CYTH1: variants seen among roughly 807,000 people sequenced by gnomAD.
CYTH1 encodes cytohesin 1, also known as cytohesin-1.
A neutral mutation model predicts 61.8 loss-of-function variants in CYTH1; 18 were observed. The observed-to-expected ratio is 0.29, with a 90% CI of 0.20 to 0.43. CYTH1 has a LOEUF of 0.43. Among genes scored for constraint, CYTH1 ranks in the 20% least tolerant of loss-of-function variants. The pLI, the probability that CYTH1 is intolerant of heterozygous loss-of-function variation, is 1.00. For missense variants in CYTH1, 336 were observed against 510.5 expected (o/e 0.66, Z 3.29); for synonymous variants, 174 against 184.3 (o/e 0.94, Z 0.45).
In CYTH1 at chr17:78,696,004, T is replaced by C. The variant is rs1426798345; in HGVS notation, c.814+3A>G. 1 of 1,367,740 alleles carries C rather than the reference T, an allele frequency of 7.3e-7. No individual in the cohort carries two copies. The highest frequency in any genetic ancestry group is 9.8e-7 in the Non-Finnish European group (1 of 1,021,996). The allele number at this position is 1,367,740 out of a possible 1,614,324, so 84.7% of individuals were successfully genotyped here. On this transcript the variant is annotated splice_donor_region_variant and intron_variant, in intron 10 of 13. Transcript: ENST00000446868. ...GCGAGCGAGCAGGCTGAGGGTTACA[T>C]ACCTCCTGGAGTTTGGGGCAAGGAA...
chr17:78,742,575 G>A (rs150144229), intron 1 of CYTH1, among the ~76,000 whole-genome samples: 4 of 152,196 alleles, frequency 2.6e-5, no homozygotes, highest in Middle Eastern at 3.4e-3. Context: ...TAAATAGGCC[G>A]GGTGTGCTGG....
At chr17:78,760,388 C>CATATATAT (rs1437014335) in intron 1 of CYTH1, among the ~76,000 whole-genome samples, 1 of 45,948 alleles carries the variant, frequency 2.2e-5, no homozygotes, top group Non-Finnish European at 4.3e-5. Flanking sequence ...TATATATACA[C>CATATATAT]ACACATACAT....
chr17:78,711,451 T>A (rs1039983049), intron 1 of CYTH1, among the ~76,000 whole-genome samples: 1 of 152,054 alleles, frequency 6.6e-6, no homozygotes, highest in Admixed American at 6.5e-5. Flanking sequence ...AAGGAACTAG[T>A]ATGAAATAAA....
At chr17:78,756,569 T>C (rs1460463973) in intron 1 of CYTH1, among the ~76,000 whole-genome samples, 1 of 152,144 alleles carries the variant, frequency 6.6e-6, no homozygotes, top group African/African-American at 2.4e-5. Flanking sequence ...CTATTTGAAG[T>C]CCTTCAGAGA....
intron 1 of CYTH1, chr17:78,727,548 C>T (rs936182872): frequency 1.1e-5 from 4 of 373,186 alleles, no homozygotes; most frequent in African/African-American, 4.2e-5. Context: ...AGAGTTGCCC[C>T]GAGTCCGGGT....
rs186725921 is a variant in CYTH1 at position 78,773,785 on chromosome 17, G to A, written c.22+8417C>T. ...AAGAAAAATTAAAAGAAAGGTAAAC[G>A]ACTGTTACAATTAGCCAAAATCTAA... On this transcript the variant is annotated intron_variant, in intron 1 of 13. Transcript: ENST00000446868. 9.9e-5 allele frequency among the ~76,000 whole-genome samples: 15 copies of A among 152,122 alleles called. 1 individual carries two copies. The highest frequency in any genetic ancestry group is 2.7e-4 in the African/African-American group (11 of 41,488).
At chr17:78,771,318 T>TA (rs2093470550) in intron 1 of CYTH1, among the ~76,000 whole-genome samples, 2 of 152,122 alleles carry the variant, frequency 1.3e-5, no homozygotes, top group South Asian at 4.1e-4. Flanking sequence ...CACATGCCTA[T>TA]AATCCCAGCT....
chr17:78,746,492 CG>C (rs1288031830), intron 1 of CYTH1, among the ~76,000 whole-genome samples: 2 of 151,980 alleles, frequency 1.3e-5, no homozygotes, highest in African/African-American at 4.8e-5. Flanking sequence ...GTGCGGCGAC[CG>C]AGTTTCCTAC....
rs76984857 is a variant in CYTH1, at chr17:78,773,979, T to G, written c.22+8223A>C. ...ATACACAAATATGCAAAATAAAAAT[T>G]TTTTTCAATCCAGCTAGTGATCAGT... On this transcript the variant is annotated intron_variant, in intron 1 of 13. Transcript: ENST00000446868. Among the ~76,000 whole-genome samples the G allele has an allele frequency of 4.8e-3, 732 of 152,268 alleles. 27 individuals are homozygous for G. The East Asian group carries it at 0.079, about 16-fold the overall frequency.
At chr17:78,715,992 G>A (rs1336854984) in intron 1 of CYTH1, among the ~76,000 whole-genome samples, 1 of 152,130 alleles carries the variant, frequency 6.6e-6, no homozygotes, top group African/African-American at 2.4e-5. Context: ...AGAGACCAGA[G>A]GCATGGATAA....
intron 1 of CYTH1, among the ~76,000 whole-genome samples, chr17:78,779,261 G>T (rs922992280): frequency 6.6e-6 from 1 of 152,016 alleles, no homozygotes; most frequent in African/African-American, 2.4e-5. Context: ...TTAGCCAGGC[G>T]TGGTGGCGCA....
intron 1 of CYTH1, among the ~76,000 whole-genome samples, chr17:78,740,645 A>C (rs2093338580): frequency 6.6e-6 from 1 of 152,240 alleles, no homozygotes; most frequent in Admixed American, 6.5e-5. Flanking sequence ...AATTCCTTAA[A>C]ATAGACATTT....
intron 1 of CYTH1, among the ~76,000 whole-genome samples, chr17:78,772,131 C>G (rs1390065317): frequency 6.6e-6 from 1 of 152,138 alleles, no homozygotes; most frequent in Non-Finnish European, 1.5e-5. Context: ...AGCAAATGGA[C>G]AGGTTCAGGC....
At chr17:78,678,067 G>C (rs1033254790) in intron 13 of CYTH1, 1 of 152,352 alleles carries the variant, frequency 6.6e-6, no homozygotes, top group Admixed American at 6.5e-5. Flanking sequence ...AGTGCCAAAG[G>C]GGGTGTCTGC....
chr17:78,688,698 T>G (rs1598826271), intron 11 of CYTH1, among the ~76,000 whole-genome samples: 1 of 152,226 alleles, frequency 6.6e-6, no homozygotes, highest in African/African-American at 2.4e-5. Context: ...TCTTGATGTT[T>G]ACATTTTTTT....
chr17:78,689,589 G>A (rs569580792), intron 11 of CYTH1, among the ~76,000 whole-genome samples: 4 of 152,136 alleles, frequency 2.6e-5, no homozygotes, highest in Admixed American at 1.3e-4. Flanking sequence ...CTCACCTCCC[G>A]CTGTGTGGCC....
chr17:78,776,415 G>C (rs964970963), intron 1 of CYTH1, among the ~76,000 whole-genome samples: 2 of 152,022 alleles, frequency 1.3e-5, no homozygotes, highest in Non-Finnish European at 2.9e-5. Context: ...CCGGCACTTT[G>C]GGAGGCTGAG....
At chr17:78,751,866 G>A (rs1175928665) in intron 1 of CYTH1, among the ~76,000 whole-genome samples, 2 of 152,218 alleles carry the variant, frequency 1.3e-5, no homozygotes, top group Non-Finnish European at 1.5e-5. Flanking sequence ...CTGGAGTGCA[G>A]TGGCATGATC....
intron 11 of CYTH1, among the ~76,000 whole-genome samples, chr17:78,690,319 G>A (rs1325919092): frequency 1.4e-5 from 2 of 144,808 alleles, no homozygotes; most frequent in African/African-American, 2.6e-5. Context: ...GCGTGAGCCC[G>A]GGAGGCGGAG....
Sources: allele counts gnomAD v4.1 joint callset (sites outside exome capture counted in the v4.1 genomes callset), GRCh38; gene constraint gnomAD v4.1.1; transcripts MANE v1.5; gene names NCBI Gene and HGNC (gene_info 2026-07-23, HGNC 2026-07-21).